FRAS1: variants seen among roughly 807,000 people sequenced by gnomAD.
FRAS1 encodes the protein extracellular matrix organizing protein FRAS1.
FRAS1 carries 290 observed loss-of-function variants against 435.2 expected under a neutral mutation model. The ratio of observed to expected loss-of-function variants is 0.67; its 90% CI spans 0.61 to 0.73. The LOEUF (loss-of-function observed/expected upper bound fraction) is 0.73. FRAS1 is among the 30% of genes least tolerant of loss of function. FRAS1 has a pLI of 0.00. For synonymous variants in FRAS1, 1,800 were observed against 1,851.0 expected (o/e 0.97, Z 0.71); for missense variants, 4,860 against 5,001.5 (o/e 0.97, Z 0.85).
At chr4:78,450,517 C>G in intron 45 of FRAS1, 178 bp downstream of exon 45, 4 of 592,690 alleles carry the variant, frequency 6.7e-6, no homozygotes, top group Non-Finnish European at 1.2e-5. Flanking sequence ...TAAAAAAGCC[C>G]TATCTTTCTT....
intron 28 of FRAS1, among the ~76,000 whole-genome samples, chr4:78,386,931 G>A (rs2110329116): frequency 6.6e-6 from 1 of 152,254 alleles, no homozygotes; most frequent in Non-Finnish European, 1.5e-5. Context: ...AAATTACTGG[G>A]AGGGACTAGA....
At chr4:78,128,008 T>C (rs549928967) in intron 2 of FRAS1, among the ~76,000 whole-genome samples, 1 of 151,436 alleles carries the variant, frequency 6.6e-6, no homozygotes, top group East Asian at 2.0e-4. Flanking sequence ...AGGTGTTTGG[T>C]TTTTTGTCCT....
chr4:78,450,457 C>A, intron 45 of FRAS1, 118 bp downstream of exon 45: 1 of 794,442 alleles, frequency 1.3e-6, no homozygotes, highest in Non-Finnish European at 2.1e-6. Flanking sequence ...TTTTGAGGAG[C>A]TTCATTTGTT....
rs1371334784 is a variant in FRAS1, at chr4:78,115,185, GA to G, written c.108+49170del. On this transcript the variant is annotated intron_variant, in intron 2 of 73. Transcript: ENST00000512123. ...TGCATCCCAGGGATGAAGCCCACTT[GA>G]TCATGGTGGATACGCTTATTGATGT... 4.6e-5 allele frequency among the ~76,000 whole-genome samples: 7 copies of G among 151,404 alleles called. No homozygotes were observed. The East Asian group carries it at 5.8e-4, about 13-fold the overall frequency.
chr4:78,464,493 C>T lies in FRAS1; in HGVS notation c.6939C>T (p.Pro2313=), dbSNP rs150936204. 1,374 of 1,613,940 alleles carry T rather than the reference C, an allele frequency of 8.5e-4. 10 individuals are homozygous for T. In the Middle Eastern group the frequency reaches 0.013, roughly 15 times the overall value. The stretch of plus-strand genomic sequence containing the variant: ...TTCACCCTGTCGATGATTCGCTGCC[C>T]GTCGTACAGAACTTAGGAATGCGGG... ...ITLHPVDDSL[P]VVQNLGMRVQ... The change falls in exon 49 of 74, where the codon CCC becomes CCT. Residue 2313 remains proline (P), a synonymous_variant. Coordinates refer to ENST00000512123, the MANE Select transcript of FRAS1 (RefSeq NM_025074.7).
In FRAS1 at chr4:78,542,231, G is replaced by A. The variant is rs772783801; in HGVS notation, c.*1107G>A. The A allele has an allele frequency of 2.0e-5, 3 of 152,230 alleles. No homozygotes were observed. The highest frequency in any genetic ancestry group is 4.4e-5 in the Non-Finnish European group (3 of 68,044). The allele number at this position is 152,230 out of a possible 1,614,324, so 9.4% of individuals were successfully genotyped here. A position where few individuals can be genotyped will look rare whatever the true frequency, so the allele number is the denominator to read the frequency against. ...GCACTATTCCTGGTGCAGTATTTCA[G>A]GGATTTCTCTTTGAGGGGTTCTTTT... On this transcript the variant is annotated 3_prime_UTR_variant, in exon 74 of 74. Transcript: ENST00000512123.
At chr4:78,270,073 G>T (rs1726574542) in intron 9 of FRAS1, among the ~76,000 whole-genome samples, 1 of 152,142 alleles carries the variant, frequency 6.6e-6, no homozygotes, top group Non-Finnish European at 1.5e-5. Flanking sequence ...AAAAAGGAAA[G>T]AATTTGTTTG....
intron 2 of FRAS1, among the ~76,000 whole-genome samples, chr4:78,067,184 T>C (rs1740080476): frequency 1.3e-5 from 2 of 152,206 alleles, no homozygotes; most frequent in Admixed American, 1.3e-4. Flanking sequence ...AGTATTCATA[T>C]GTCTGATACT....
chr4:78,119,561 A>G (rs1718892787), intron 2 of FRAS1, among the ~76,000 whole-genome samples: 1 of 152,172 alleles, frequency 6.6e-6, no homozygotes, highest in South Asian at 2.1e-4. Flanking sequence ...TGGTCTATAG[A>G]TATCACATTT....
In FRAS1 at chr4:78,537,342, C is replaced by G. The variant is rs373984252; in HGVS notation, c.11298+142C>G. 13 of 763,564 alleles carry G rather than the reference C, an allele frequency of 1.7e-5. No homozygotes were observed. In the African/African-American group the frequency reaches 2.3e-4, roughly 14 times the overall value. 47.3% of individuals were successfully genotyped at this position (763,564 alleles called of 1,614,324 possible). Reference sequence around the variant, plus strand: ...GTTTGTGTTGTTGTTTCTTTCAGATCAGCTAAATACTAGTACATAGGTGGT... The same window carrying G: ...GTTTGTGTTGTTGTTTCTTTCAGATGAGCTAAATACTAGTACATAGGTGGT... On this transcript the variant is annotated intron_variant, in intron 72 of 73. Transcript: ENST00000512123.
chr4:78,543,762 T>C lies in FRAS1; in HGVS notation c.*2638T>C, dbSNP rs1167945189. 1 of 152,264 alleles carries C rather than the reference T, an allele frequency of 6.6e-6. No homozygotes were observed. The highest frequency in any genetic ancestry group is 6.5e-5 in the Admixed American group (1 of 15,288). 9.4% of individuals were successfully genotyped at this position (152,264 alleles called of 1,614,324 possible). ...AGGAATCAAGTAATTTGATGACTAA[T>C]GTGGATTATATTTCAGTCAAAGCTC... On this transcript the variant is annotated 3_prime_UTR_variant, in exon 74 of 74. Transcript: ENST00000512123.
Position 78,482,535 on chromosome 4 carries a change from G to A in FRAS1, c.8752G>A (p.Val2918Met). 1 of 1,612,334 alleles carries A rather than the reference G, an allele frequency of 6.2e-7. No homozygotes were observed. Among genetic ancestry groups the A allele is most frequent in the South Asian group, 1.1e-5 (1 of 90,436 alleles). ...TGCAATTAATGACACATTCCAAGATGGTAAGAGATTGGGGATGCCAGCTGG... is the reference window on the plus strand; with the variant it reads ...TGCAATTAATGACACATTCCAAGATAGTAAGAGATTGGGGATGCCAGCTGG... ...VIAINDTFQD[V>M]PSMQFAKDLL... Residue 2918 changes from valine to methionine, a missense_variant and splice_region_variant, in exon 58 of 74, where the codon GTG becomes ATG. Transcript: ENST00000512123.
chr4:78,123,361 G>T (rs1008588552), intron 2 of FRAS1, among the ~76,000 whole-genome samples: 1 of 152,192 alleles, frequency 6.6e-6, no homozygotes, highest in South Asian at 2.1e-4. Flanking sequence ...CCAGTACCGT[G>T]CTGTTTCGGT....
chr4:78,520,394 G>A (rs1721351165), intron 67 of FRAS1, among the ~76,000 whole-genome samples: 1 of 151,048 alleles, frequency 6.6e-6, no homozygotes, highest in South Asian at 2.1e-4. Context: ...GCTTTATCTG[G>A]GGCAAACATA....
At chr4:78,290,975 A>G (rs1030999366) in intron 14 of FRAS1, among the ~76,000 whole-genome samples, 33 of 151,444 alleles carry the variant, frequency 2.2e-4, no homozygotes, top group Non-Finnish European at 4.6e-4. Flanking sequence ...CATGTTGGCC[A>G]GGCTAGTCTC....
intron 2 of FRAS1, among the ~76,000 whole-genome samples, chr4:78,137,445 A>G (rs13127746): frequency 0.23 from 34,784 of 152,184 alleles, 4,253 homozygotes; most frequent in African/African-American, 0.31. Flanking sequence ...TGATTGTATC[A>G]CTTTTCTGTT....
chr4:78,409,388 A>G (rs1450945074), intron 31 of FRAS1, among the ~76,000 whole-genome samples: 1 of 152,134 alleles, frequency 6.6e-6, no homozygotes, highest in Non-Finnish European at 1.5e-5. Context: ...TACTCAGAAG[A>G]AAATTGATGG....
In FRAS1 at chr4:78,361,525, T is replaced by A. The variant is rs1731073270; in HGVS notation, c.2423-1988T>A. Among the ~76,000 whole-genome samples the A allele has an allele frequency of 1.3e-5, 2 of 152,220 alleles. 1 individual carries two copies. Among genetic ancestry groups the A allele is most frequent in the South Asian group, 4.1e-4 (2 of 4,824 alleles). ...TTGAGGCAGACTCTTGTGGCTTAAC[T>A]TCTGGGGTGGCTATGAAGGTCCTCT... On this transcript the variant is annotated intron_variant, in intron 20 of 73. Coordinates refer to ENST00000512123, the MANE Select transcript of FRAS1 (RefSeq NM_025074.7).
intron 29 of FRAS1, among the ~76,000 whole-genome samples, chr4:78,393,794 A>G (rs979770931): frequency 1.3e-5 from 2 of 152,036 alleles, no homozygotes; most frequent in Non-Finnish European, 2.9e-5. Context: ...GTGATTGCTG[A>G]TCATATGGTA....
Sources: gnomAD v4.1 joint callset for allele counts (sites outside exome capture counted in the v4.1 genomes callset) on GRCh38, gnomAD v4.1.1 for gene constraint, MANE v1.5 for transcripts, NCBI Gene and HGNC (gene_info 2026-07-23, HGNC 2026-07-21) for gene names.